Variants in TMEM132D observed in about 807,000 individuals in gnomAD.
TMEM132D encodes the protein transmembrane protein 132D.
Under a neutral mutation model 62.3 loss-of-function variants are expected in TMEM132D, and 21 were observed. The ratio of observed to expected loss-of-function variants is 0.34; its 90% CI spans 0.24 to 0.49. The LOEUF is 0.49. Among genes scored for constraint, TMEM132D ranks in the 20% least tolerant of loss-of-function variants. The pLI, the probability that TMEM132D is intolerant of heterozygous loss-of-function variation, is 0.99. For missense variants in TMEM132D, 1,346 were observed against 1,402.8 expected (o/e 0.96, Z 0.65); for synonymous variants, 621 against 575.6 (o/e 1.08, Z -1.13).
chr12:129,824,275 G>C (rs371084000), intron 1 of TMEM132D, among the ~76,000 whole-genome samples: 2 of 152,056 alleles, frequency 1.3e-5, no homozygotes, highest in South Asian at 4.1e-4. Context: ...TACATAGCAG[G>C]CTCCATCATC....
rs117237447 is a variant in TMEM132D, at chr12:129,509,014, G to A, written c.1115+22045C>T. Among the ~76,000 whole-genome samples the A allele has an allele frequency of 2.4e-4, 36 of 152,218 alleles. 1 individual carries two copies. The East Asian group carries it at 6.6e-3, about 28-fold the overall frequency. On this transcript the variant is annotated intron_variant, in intron 3 of 8. Transcript: ENST00000422113. The stretch of plus-strand genomic sequence containing the variant: ...AAAATGTATCTGAAGACCTGATCTG[G>A]CCTGCAGTTCACCATATTGCAATTC...
At chr12:129,739,922 A>C (rs1869546703) in intron 1 of TMEM132D, among the ~76,000 whole-genome samples, 1 of 152,174 alleles carries the variant, frequency 6.6e-6, no homozygotes, top group East Asian at 1.9e-4. Flanking sequence ...GCCTTCTTTC[A>C]TTCTAAAGAA....
At chr12:129,450,220 T>C (rs1204540584) in intron 3 of TMEM132D, among the ~76,000 whole-genome samples, 1 of 152,218 alleles carries the variant, frequency 6.6e-6, no homozygotes, top group East Asian at 1.9e-4. Context: ...TAGATCCCAT[T>C]TGTCAATTGT....
chr12:129,492,525 A>C lies in TMEM132D; in HGVS notation c.1115+38534T>G, dbSNP rs181277767. On this transcript the variant is annotated intron_variant, in intron 3 of 8. Coordinates refer to ENST00000422113, the MANE Select transcript of TMEM132D (RefSeq NM_133448.3). ...ACATGTAGCCCCCATTCTCTAAATC[A>C]CATTGCACACTCCACCCAAGTGGAG... 2.8e-3 allele frequency among the ~76,000 whole-genome samples: 431 copies of C among 152,258 alleles called. 1 individual carries two copies. Among genetic ancestry groups the C allele is most frequent in the African/African-American group, 9.9e-3 (411 of 41,530 alleles).
chr12:129,531,023 C>T, intron 3 of TMEM132D, 36 bp downstream of exon 3: 1 of 1,504,164 alleles, frequency 6.6e-7, no homozygotes. Context: ...ACATTTGCAG[C>T]TGATCTGAAT....
intron 1 of TMEM132D, among the ~76,000 whole-genome samples, chr12:129,825,091 G>A (rs1283252624): frequency 6.7e-6 from 1 of 149,040 alleles, no homozygotes; most frequent in Admixed American, 6.7e-5. Flanking sequence ...TCAGCTCACT[G>A]CAACCTCCAC....
chr12:129,364,513 AATTTTG>A (rs1870346531), intron 3 of TMEM132D, among the ~76,000 whole-genome samples: 1 of 152,214 alleles, frequency 6.6e-6, no homozygotes, highest in Non-Finnish European at 1.5e-5. Flanking sequence ...CGTATAGCGT[AATTTTG>A]TAGTTGCAAT....
intron 1 of TMEM132D, among the ~76,000 whole-genome samples, chr12:129,888,935 C>G (rs940911879): frequency 6.6e-6 from 1 of 152,244 alleles, no homozygotes; most frequent in African/African-American, 2.4e-5. Flanking sequence ...GCCCATCCTT[C>G]TGGCCACAGT....
chr12:129,179,766 A>T (rs1878013525), intron 5 of TMEM132D, among the ~76,000 whole-genome samples: 1 of 152,110 alleles, frequency 6.6e-6, no homozygotes, highest in South Asian at 2.1e-4. Flanking sequence ...GGTGGCTCAC[A>T]CCTATAATCC....
At chr12:129,452,379 T>C (rs1007372205) in intron 3 of TMEM132D, among the ~76,000 whole-genome samples, 13 of 152,232 alleles carry the variant, frequency 8.5e-5, no homozygotes, top group Admixed American at 5.2e-4. Flanking sequence ...TCTGAAAAAG[T>C]AGCTGCTGTT....
chr12:129,287,711 G>A (rs1881339663), intron 4 of TMEM132D, among the ~76,000 whole-genome samples: 1 of 144,726 alleles, frequency 6.9e-6, no homozygotes, highest in African/African-American at 2.5e-5. Context: ...TCCGAGAACT[G>A]CCCAGCAAAA....
intron 2 of TMEM132D, among the ~76,000 whole-genome samples, chr12:129,551,470 G>A (rs1240792092): frequency 6.6e-6 from 1 of 152,152 alleles, no homozygotes; most frequent in Non-Finnish European, 1.5e-5. Flanking sequence ...TGTCCCTAAT[G>A]TAATTTTACT....
intron 1 of TMEM132D, among the ~76,000 whole-genome samples, chr12:129,817,347 C>G (rs1380536758): frequency 1.3e-5 from 2 of 152,184 alleles, no homozygotes; most frequent in African/African-American, 2.4e-5. Context: ...TGCTAGTCAG[C>G]CTTCACCGTG....
chr12:129,407,397 G>C (rs915658318), intron 3 of TMEM132D, among the ~76,000 whole-genome samples: 2 of 152,096 alleles, frequency 1.3e-5, no homozygotes, highest in African/African-American at 4.8e-5. Context: ...TCCTCTCTCC[G>C]TCTCTGGGAA....
At chr12:129,219,360 C>G (rs185781631) in intron 4 of TMEM132D, among the ~76,000 whole-genome samples, 5 of 152,262 alleles carry the variant, frequency 3.3e-5, no homozygotes, top group African/African-American at 1.2e-4. Flanking sequence ...AACTGTGAGT[C>G]CATTAGGCAT....
In TMEM132D at chr12:129,728,808, T is replaced by C. The variant is rs147719268; in HGVS notation, c.80-28110A>G. ...AAGAGGAAACAGACATTGCCCAAAC[T>C]CAGTGCTTCGGAAGAAACCAAGGTA... On this transcript the variant is annotated intron_variant, in intron 1 of 8. Coordinates refer to ENST00000422113, the MANE Select transcript of TMEM132D (RefSeq NM_133448.3). 5.2e-4 allele frequency among the ~76,000 whole-genome samples: 79 copies of C among 152,268 alleles called. 1 individual carries two copies. Among genetic ancestry groups the C allele is most frequent in the African/African-American group, 1.6e-3 (66 of 41,558 alleles).
chr12:129,271,197 A>ATAGTGCATT (rs1566018091), intron 4 of TMEM132D, among the ~76,000 whole-genome samples: 1 of 151,728 alleles, frequency 6.6e-6, no homozygotes, highest in African/African-American at 2.4e-5. Context: ...ATTTGTTAGG[A>ATAGTGCATT]AAAAAAATAA....
intron 1 of TMEM132D, 147 bp from the exon 2 acceptor site, chr12:129,700,845 T>A: frequency 1.1e-6 from 1 of 886,622 alleles, no homozygotes; most frequent in Non-Finnish European, 1.6e-6. Flanking sequence ...TAATCCAATC[T>A]ACTCGCTTCA....
chr12:129,094,623 G>C (rs1415845568), intron 5 of TMEM132D, among the ~76,000 whole-genome samples: 1 of 152,182 alleles, frequency 6.6e-6, no homozygotes, highest in Non-Finnish European at 1.5e-5. Flanking sequence ...AGTCAGTGTG[G>C]TGATTCCTCA....
Sources: allele counts gnomAD v4.1 joint callset (sites outside exome capture counted in the v4.1 genomes callset), GRCh38; gene constraint gnomAD v4.1.1; transcripts MANE v1.5; gene names NCBI Gene and HGNC (gene_info 2026-07-23, HGNC 2026-07-21).